The following IFT122 variants were observed in gnomAD, a reference collection of about 807,000 sequenced individuals.
The protein encoded by IFT122 is intraflagellar transport protein 122 homolog.
A neutral mutation model predicts 161.6 loss-of-function variants in IFT122; 118 were observed. The ratio of observed to expected loss-of-function variants is 0.73; its 90% CI spans 0.63 to 0.85. The LOEUF (loss-of-function observed/expected upper bound fraction) is 0.85, where lower values mean the gene tolerates loss of function less well. Ranked by LOEUF, IFT122 falls within the 40% of genes least tolerant of loss-of-function variation. The pLI, the probability that IFT122 is intolerant of heterozygous loss-of-function variation, is 0.00. For missense variants in IFT122, 1,381 were observed against 1,579.6 expected (o/e 0.87, Z 2.13); for synonymous variants, 550 against 602.4 (o/e 0.91, Z 1.27).
At chr3:129,450,521 G>A (rs1294851601) in intron 2 of IFT122, among the ~76,000 whole-genome samples, 1 of 152,008 alleles carries the variant, frequency 6.6e-6, no homozygotes, top group Non-Finnish European at 1.5e-5. Flanking sequence ...CTCTAGATAC[G>A]CAGACTGATT....
intron 18 of IFT122, among the ~76,000 whole-genome samples, chr3:129,497,146 G>C (rs1440279551): frequency 6.6e-6 from 1 of 152,202 alleles, no homozygotes; most frequent in South Asian, 2.1e-4. Flanking sequence ...GCTGGTGCCT[G>C]TAGTCCCAGC....
intron 4 of IFT122, chr3:129,459,601 C>G (rs2075955326): frequency 1.3e-5 from 2 of 152,420 alleles, no homozygotes; most frequent in Admixed American, 1.3e-4. Flanking sequence ...ATTTTCCTTC[C>G]TTCCTTCTTT....
Position 129,451,939 on chromosome 3 carries a change from T to C in IFT122, c.134T>C (p.Leu45Ser), listed in dbSNP as rs1301634956. The change falls in exon 3 of 30, where the codon TTA becomes TCA. Residue 45 changes from leucine to serine, a missense_variant. This residue lies in a region of IFT122 where 134 missense variants were observed against 137.4 expected (regional missense o/e 0.98). Coordinates refer to ENST00000348417, the MANE Select transcript of IFT122 (RefSeq NM_052989.3). ...GTTTATGACACCTCTGATGGCACCTTACTTCAGCCCCTCAAGGGACACAAA... is the reference window on the plus strand; with the variant it reads ...GTTTATGACACCTCTGATGGCACCTCACTTCAGCCCCTCAAGGGACACAAA... ...LLVYDTSDGT[L>S]LQPLKGHKDT... The C allele has an allele frequency of 6.2e-7, 1 of 1,614,076 alleles. No homozygotes were observed. Among genetic ancestry groups the C allele is most frequent in the South Asian group, 1.1e-5 (1 of 91,084 alleles).
At chr3:129,517,270 A>ACGCGCGCGCGCG (rs1476276379) in intron 26 of IFT122, among the ~76,000 whole-genome samples, 199 bp from the exon 27 acceptor site, 35 of 109,714 alleles carry the variant, frequency 3.2e-4, no homozygotes, top group African/African-American at 1.4e-3. Flanking sequence ...TTGCTCCTGC[A>ACGCGCGCGCGCG]CACACACACA....
In IFT122 at chr3:129,483,630, C is replaced by T; in HGVS notation, c.1799C>T (p.Ser600Phe). ...LQGFVVGYNG[S>F]KIFCLHVFSI... ...GGCTTTGTGGTCGGCTACAATGGCT[C>T]CAAGATCTTCTGCCTCCATGTCTTC... The change falls in exon 15 of 30, where the codon TCC becomes TTC. Residue 600 changes from serine to phenylalanine, a missense_variant. Physicochemically the swap from Ser to Phe is radical, Grantham distance 155. Around this residue, in one of 7 missense-constraint regions of IFT122, gnomAD observed 544 missense variants for 648.0 expected, o/e 0.84. Coordinates refer to ENST00000348417, the MANE Select transcript of IFT122 (RefSeq NM_052989.3). The T allele has an allele frequency of 1.2e-6, 2 of 1,612,894 alleles. No individual in the cohort carries two copies. The highest frequency in any genetic ancestry group is 8.5e-7 in the Non-Finnish European group (1 of 1,179,414).
chr3:129,465,071 G>C (rs2076570299), intron 7 of IFT122, among the ~76,000 whole-genome samples: 1 of 151,758 alleles, frequency 6.6e-6, no homozygotes, highest in Non-Finnish European at 1.5e-5. Context: ...GTGTGTGTCT[G>C]CGCACATGTG....
At chr3:129,461,410 C>G in intron 5 of IFT122, 106 bp downstream of exon 5, 1 of 824,334 alleles carries the variant, frequency 1.2e-6, no homozygotes, top group Non-Finnish European at 2.1e-6. Context: ...AGAGTTAATA[C>G]TACTTCTCTA....
intron 25 of IFT122, 106 bp from the exon 26 acceptor site, chr3:129,515,382 G>A: frequency 1.1e-6 from 1 of 897,684 alleles, no homozygotes. Flanking sequence ...CCACCCGGGT[G>A]GCCTTTCCTC....
intron 20 of IFT122, 46 bp from the exon 21 acceptor site, chr3:129,504,273 G>C (rs760399736): frequency 2.1e-6 from 3 of 1,457,252 alleles, no homozygotes; most frequent in Middle Eastern, 2.1e-4. Flanking sequence ...TTTCATGGGG[G>C]CTGCAGGGGC....
chr3:129,481,213 G>A (rs766401241), intron 13 of IFT122, among the ~76,000 whole-genome samples: 5 of 152,142 alleles, frequency 3.3e-5, no homozygotes, highest in African/African-American at 1.2e-4. Context: ...TCTGCTAGGT[G>A]GCATCTCCTA....
At position 129,487,953 on chromosome 3, in the gene IFT122, G is replaced by T. The variant is rs9819604; in HGVS notation, c.1852-304G>T. On this transcript the variant is annotated intron_variant, in intron 15 of 29. Transcript: ENST00000348417. ...GTATTTTCCAGAGGCAGAGTGGGGA[G>T]GGGCAAAGGCATTCCAGGTGAGGGT... 95,147 of 461,626 alleles carry T rather than the reference G, an allele frequency of 0.21. 22,267 individuals are homozygous for T. The highest frequency in any genetic ancestry group is 0.74 in the African/African-American group (37,381 of 50,224). The allele number at this position is 461,626 out of a possible 1,614,324, so 28.6% of individuals were successfully genotyped here.
Position 129,461,276 on chromosome 3 carries a change from A to C in IFT122, c.321A>C (p.Gln107His), listed in dbSNP as rs138793724. ...TCTCCTACAATCCTATTACTCATCA[A>C]CTGGCATCTTGTTCCTCCAGTGACT... ...QCVSYNPITH[Q>H]LASCSSSDFG... The change falls in exon 5 of 30, where the codon CAA (glutamine) becomes CAC (histidine). Residue 107 changes from glutamine (Q) to histidine (H), a missense_variant. Gln to His is a conservative substitution (Grantham distance 24). This residue lies in a region of IFT122 where 134 missense variants were observed against 137.4 expected (regional missense o/e 0.98). Transcript: ENST00000348417. 14 of 1,613,522 alleles carry C rather than the reference A, an allele frequency of 8.7e-6. No homozygotes were observed. The highest frequency in any genetic ancestry group is 1.3e-5 in the African/African-American group (1 of 74,924).
intron 19 of IFT122, 63 bp downstream of exon 19, chr3:129,500,131 C>T: frequency 6.4e-7 from 1 of 1,563,246 alleles, no homozygotes; most frequent in South Asian, 1.1e-5. Context: ...CACCTCTTGA[C>T]TGACAAGGGA....
chr3:129,456,406 A>G (rs549737293), intron 3 of IFT122: 380 of 524,648 alleles, frequency 7.2e-4, no homozygotes, highest in African/African-American at 7.0e-3. Flanking sequence ...TGGGAAGCCA[A>G]GGCGGGTGGA....
At chr3:129,514,854 T>G in intron 25 of IFT122, 1 of 516,316 alleles carries the variant, frequency 1.9e-6, no homozygotes, top group Non-Finnish European at 3.5e-6. Flanking sequence ...CCCAGGTGGC[T>G]CTGCCTTTAC....
chr3:129,460,815 C>G lies in IFT122; in HGVS notation c.273-413C>G, dbSNP rs764386518. 1.2e-5 allele frequency: 19 copies of G among 1,550,780 alleles called. No homozygotes were observed. The Admixed American group carries it at 3.2e-4, about 26-fold the overall frequency. On this transcript the variant is annotated intron_variant, in intron 4 of 29. Transcript: ENST00000348417. ...CGCCTTGCATGGTACATGATTTGCT[C>G]AGCTTTCATTGTTGTCTAAGGATTT...
In IFT122 at chr3:129,502,803, A is replaced by T; in HGVS notation, c.2468A>T (p.Tyr823Phe). Reference sequence around the variant, plus strand: ...CTCAAGAAGCTGGACAGCCCTGGCTATGCTGCTGAGACCTACCTGAAGATG... The same window carrying T: ...CTCAAGAAGCTGGACAGCCCTGGCTTTGCTGCTGAGACCTACCTGAAGATG... ...TYLKKLDSPG[Y>F]AAETYLKMGD... The change falls in exon 20 of 30, where the codon TAT (tyrosine) becomes TTT (phenylalanine). Residue 823 changes from tyrosine to phenylalanine, a missense_variant. Around this residue, in one of 7 missense-constraint regions of IFT122, gnomAD observed 496 missense variants for 502.5 expected, o/e 0.99. Coordinates refer to ENST00000348417, the MANE Select transcript of IFT122 (RefSeq NM_052989.3). 1.2e-6 allele frequency: 2 copies of T among 1,613,304 alleles called. No individual in the cohort carries two copies. Among genetic ancestry groups the T allele is most frequent in the Non-Finnish European group, 1.7e-6 (2 of 1,180,024 alleles).
chr3:129,478,578 G>T (rs2078249375), intron 12 of IFT122, among the ~76,000 whole-genome samples: 1 of 152,096 alleles, frequency 6.6e-6, no homozygotes, highest in Non-Finnish European at 1.5e-5. Flanking sequence ...CTGAGTAGCT[G>T]GCACCACAGG....
rs1049318205 is a variant in IFT122 at position 129,457,149 on chromosome 3, C to T, written c.194-1450C>T. On this transcript the variant is annotated intron_variant, in intron 3 of 29. Transcript: ENST00000348417. Reference sequence around the variant, plus strand: ...CTCTCACCAGAGTAGGTGAAGACCCCGTTATTTGCTGCCATGGTACCGTGA... The same window carrying T: ...CTCTCACCAGAGTAGGTGAAGACCCTGTTATTTGCTGCCATGGTACCGTGA... Among the ~76,000 whole-genome samples the T allele has an allele frequency of 1.4e-4, 22 of 152,068 alleles. 1 individual carries two copies. Among genetic ancestry groups the T allele is most frequent in the East Asian group, 3.9e-4 (2 of 5,186 alleles).
Sources: allele counts gnomAD v4.1 joint callset (sites outside exome capture counted in the v4.1 genomes callset), GRCh38; gene constraint gnomAD v4.1.1; regional missense constraint gnomAD v4.1.1; transcripts MANE v1.5; gene names NCBI Gene and HGNC (gene_info 2026-07-23, HGNC 2026-07-21).